LRRC20: variants seen among roughly 807,000 people sequenced by gnomAD.
LRRC20 encodes leucine-rich repeat-containing protein 20.
A neutral mutation model predicts 14.4 loss-of-function variants in LRRC20; 11 were observed. That is an observed-to-expected ratio of 0.77 (90% CI 0.48 to 1.27). LRRC20 has a LOEUF of 1.27. Ranked by LOEUF, LRRC20 falls within the 50% of genes most tolerant of loss-of-function variation. LRRC20 has a pLI of 0.00. For synonymous variants in LRRC20, 121 were observed against 107.3 expected (o/e 1.13, Z -0.79); for missense variants, 219 against 251.2 (o/e 0.87, Z 0.87).
intron 2 of LRRC20, among the ~76,000 whole-genome samples, chr10:70,361,941 C>T (rs1843738542): frequency 6.6e-6 from 1 of 152,228 alleles, no homozygotes; most frequent in South Asian, 2.1e-4. Context: ...AATCCCAACA[C>T]TTTGGGAGGC....
chr10:70,368,134 T>A (rs556947764), intron 2 of LRRC20, among the ~76,000 whole-genome samples: 26 of 145,502 alleles, frequency 1.8e-4, no homozygotes, highest in Admixed American at 1.5e-3. Context: ...CAGGCATGCA[T>A]CACCATGCCT....
chr10:70,338,538 A>G (rs1376775727), intron 3 of LRRC20, among the ~76,000 whole-genome samples: 1 of 152,172 alleles, frequency 6.6e-6, no homozygotes, highest in East Asian at 1.9e-4. Flanking sequence ...CCCAGTTGAT[A>G]GACATTTGGG....
chr10:70,374,748 G>A (rs756323793), intron 2 of LRRC20, among the ~76,000 whole-genome samples: 1 of 152,172 alleles, frequency 6.6e-6, no homozygotes, highest in Admixed American at 6.5e-5. Context: ...CAGCACAGAC[G>A]TGGCTGGCTG....
chr10:70,381,889 T>TC (rs1844720753), intron 1 of LRRC20: 1 of 152,230 alleles, frequency 6.6e-6, no homozygotes, highest in Non-Finnish European at 1.5e-5. Flanking sequence ...CTCGCTAACA[T>TC]CTAGGCATCC....
At chr10:70,337,916 C>A (rs952757805) in intron 3 of LRRC20, among the ~76,000 whole-genome samples, 6 of 152,170 alleles carry the variant, frequency 3.9e-5, no homozygotes, top group African/African-American at 1.4e-4. Context: ...TCCTCTTACC[C>A]AAAGGGCCTG....
intron 2 of LRRC20, among the ~76,000 whole-genome samples, chr10:70,371,482 A>C (rs1844266886): frequency 6.6e-6 from 1 of 152,088 alleles, no homozygotes; most frequent in Non-Finnish European, 1.5e-5. Context: ...TATTCTTTAA[A>C]AGCCAGTCCC....
At chr10:70,308,542 G>A (rs57621543) in intron 4 of LRRC20, among the ~76,000 whole-genome samples, 39,346 of 152,020 alleles carry the variant, frequency 0.26, 5,210 homozygotes, top group East Asian at 0.36. Context: ...AATGCTGGGG[G>A]ACACAGGAAT....
intron 1 of LRRC20, chr10:70,381,462 G>T (rs1277865370): frequency 6.6e-6 from 1 of 152,220 alleles, no homozygotes; most frequent in Middle Eastern, 3.1e-3. Context: ...ACCCTGACCT[G>T]GCCCCCTGAC....
At chr10:70,348,611 C>T (rs1171154706) in intron 2 of LRRC20, among the ~76,000 whole-genome samples, 1 of 152,152 alleles carries the variant, frequency 6.6e-6, no homozygotes, top group Non-Finnish European at 1.5e-5. Flanking sequence ...ATCAGGAAGC[C>T]AGGGGTCCCA....
At chr10:70,372,748 G>T (rs575124808) in intron 2 of LRRC20, among the ~76,000 whole-genome samples, 1 of 152,104 alleles carries the variant, frequency 6.6e-6, no homozygotes, top group African/African-American at 2.4e-5. Context: ...GGCCGAGAAT[G>T]TGCCAGTCTT....
chr10:70,347,818 C>A (rs1342267474), intron 2 of LRRC20, among the ~76,000 whole-genome samples: 179 of 127,734 alleles, frequency 1.4e-3, no homozygotes, highest in Admixed American at 1.7e-3. Flanking sequence ...GACTCCGTCT[C>A]AAAAAAAAAA....
chr10:70,371,536 G>A (rs553407271), intron 2 of LRRC20, among the ~76,000 whole-genome samples: 109 of 152,126 alleles, frequency 7.2e-4, no homozygotes, highest in African/African-American at 2.3e-3. Flanking sequence ...GGAGAGGAGC[G>A]GGGTGCAGGG....
rs112485129 is a variant in LRRC20 at position 70,314,710 on chromosome 10, G to A, written c.400+9153C>T. On this transcript the variant is annotated intron_variant, in intron 4 of 4. Coordinates refer to ENST00000446961, the MANE Select transcript of LRRC20 (RefSeq NM_001278212.2). Reference sequence around the variant, plus strand: ...TGGTCTTCTCGGTGAAGATTAATGAGAGAATCTGGTGAAAACTTTTGCACA... The same window carrying A: ...TGGTCTTCTCGGTGAAGATTAATGAAAGAATCTGGTGAAAACTTTTGCACA... Among the ~76,000 whole-genome samples the A allele has an allele frequency of 3.9e-3, 590 of 152,188 alleles. 4 individuals carry two copies. Among genetic ancestry groups the A allele is most frequent in the African/African-American group, 0.013 (556 of 41,518 alleles).
chr10:70,378,176 G>A (rs1468829907), intron 1 of LRRC20, among the ~76,000 whole-genome samples: 1 of 152,198 alleles, frequency 6.6e-6, no homozygotes, highest in Admixed American at 6.5e-5. Context: ...TAATACTCAT[G>A]TGAGTCTGAA....
intron 2 of LRRC20, among the ~76,000 whole-genome samples, chr10:70,359,648 G>A (rs547421603): frequency 8.5e-5 from 13 of 152,296 alleles, no homozygotes; most frequent in African/African-American, 3.1e-4. Context: ...TATCCCTCTT[G>A]CACCTCTTCA....
intron 4 of LRRC20, among the ~76,000 whole-genome samples, chr10:70,318,671 T>C (rs1296112185): frequency 6.6e-6 from 1 of 151,810 alleles, no homozygotes; most frequent in East Asian, 1.9e-4. Flanking sequence ...GGAGGATCAC[T>C]TGAGCCTGGG....
At chr10:70,381,413 G>A (rs568651789) in intron 1 of LRRC20, 1 of 152,342 alleles carries the variant, frequency 6.6e-6, no homozygotes, top group Admixed American at 6.5e-5. Flanking sequence ...GGTTTCACCT[G>A]GACTCAGGCT....
intron 4 of LRRC20, among the ~76,000 whole-genome samples, chr10:70,320,473 T>C (rs997989431): frequency 6.6e-6 from 1 of 152,076 alleles, no homozygotes; most frequent in Non-Finnish European, 1.5e-5. Flanking sequence ...CTCAACCCAC[T>C]GACTTGACTT....
intron 3 of LRRC20, among the ~76,000 whole-genome samples, chr10:70,331,847 G>A (rs1429003678): frequency 6.6e-6 from 1 of 152,088 alleles, no homozygotes; most frequent in African/African-American, 2.4e-5. Context: ...CTGTTAAATG[G>A]ACCTCTTCTT....
Sources: allele counts gnomAD v4.1 joint callset (sites outside exome capture counted in the v4.1 genomes callset), GRCh38; gene constraint gnomAD v4.1.1; transcripts MANE v1.5; gene names NCBI Gene and HGNC (gene_info 2026-07-23, HGNC 2026-07-21).